DIO1: variants seen among roughly 807,000 people sequenced by gnomAD.
DIO1 encodes the protein type I iodothyronine deiodinase.
DIO1 carries 17 observed loss-of-function variants against 25.9 expected under a neutral mutation model. The observed-to-expected ratio is 0.66, with a 90% CI of 0.45 to 0.98. DIO1 has a LOEUF of 0.98. Among genes scored for constraint, DIO1 ranks in the 50% least tolerant of loss-of-function variants. The pLI is 0.00. For missense variants in DIO1, 270 were observed against 310.4 expected, an observed-to-expected ratio of 0.87 and a Z score of 0.98; for synonymous variants, 115 against 114.0, an observed-to-expected ratio of 1.01 and a Z score of -0.05.
At chr1:53,903,596 C>T (rs921512986) in intron 1 of DIO1, among the ~76,000 whole-genome samples, 10 of 151,896 alleles carry the variant, frequency 6.6e-5, no homozygotes, top group East Asian at 3.9e-4. Context: ...GGCCTGTAAT[C>T]GCAGCACTTT....
chr1:53,905,328 C>T (rs989163680), intron 2 of DIO1, among the ~76,000 whole-genome samples: 1 of 152,058 alleles, frequency 6.6e-6, no homozygotes, highest in Non-Finnish European at 1.5e-5. Flanking sequence ...CATACGCCAC[C>T]ATGCCCAGCT....
At position 53,910,314 on chromosome 1, in the gene DIO1, CG is replaced by C. The variant is rs767061216; in HGVS notation, c.*317del. On this transcript the variant is annotated 3_prime_UTR_variant, in exon 4 of 4. Coordinates refer to ENST00000361921, the MANE Select transcript of DIO1 (RefSeq NM_000792.7). ...CTTTGGAGACCACATTCCCTGCACA[CG>C]GTCTTTGAGAGAGCAGTTGCACTCT... 2 of 356,198 alleles carry C rather than the reference CG, an allele frequency of 5.6e-6. No individual in the cohort carries two copies. The highest frequency in any genetic ancestry group is 1.1e-5 in the Non-Finnish European group (2 of 186,930). 22.1% of individuals were successfully genotyped at this position (356,198 alleles called of 1,614,324 possible). A position where few individuals can be genotyped will look rare whatever the true frequency, so the allele number is the denominator to read the frequency against.
chr1:53,894,600 G>A lies in DIO1; in HGVS notation c.337+53G>A. The A allele has an allele frequency of 6.6e-7, 1 of 1,506,376 alleles. No individual in the cohort carries two copies. The highest frequency in any genetic ancestry group is 9.0e-7 in the Non-Finnish European group (1 of 1,112,664). 93.3% of individuals were successfully genotyped at this position (1,506,376 alleles called of 1,614,324 possible). A position where few individuals can be genotyped will look rare whatever the true frequency, so the allele number is the denominator to read the frequency against. ...GTGCTTGAAATAGCAGTGGTAGAGG[G>A]GGATGAAGAGATGGGTTGGAAAGTC... On this transcript the variant is annotated intron_variant, in intron 1 of 3. Coordinates refer to ENST00000361921, the MANE Select transcript of DIO1 (RefSeq NM_000792.7). The surrounding 1 kb of genome is among the most constrained non-coding windows in gnomAD (Gnocchi z 4.9).
chr1:53,894,838 C>G lies in DIO1; in HGVS notation c.337+291C>G, dbSNP rs897241433. 5.9e-5 allele frequency among the ~76,000 whole-genome samples: 9 copies of G among 152,208 alleles called. No homozygotes were observed. The highest frequency in any genetic ancestry group is 4.6e-4 in the Admixed American group (7 of 15,274). On this transcript the variant is annotated intron_variant, in intron 1 of 3. Coordinates refer to ENST00000361921, the MANE Select transcript of DIO1 (RefSeq NM_000792.7). This position sits in a 1 kb window ranked among gnomAD's most constrained non-coding sequence, Gnocchi z 4.9. ...TGCCTGGGCTGCTCTTTGCCCACCT[C>G]TCTGCCTGGTTAACTCTTGTTCAAT...
intron 1 of DIO1, among the ~76,000 whole-genome samples, chr1:53,901,039 A>G (rs2100767633): frequency 8.5e-6 from 1 of 117,508 alleles, no homozygotes. Flanking sequence ...TGTGTTGCCC[A>G]GGGTGGTCTT....
chr1:53,909,133 T>C (rs956421332), intron 3 of DIO1, among the ~76,000 whole-genome samples: 4 of 147,022 alleles, frequency 2.7e-5, no homozygotes, highest in Admixed American at 6.8e-5. Context: ...ACTGGTTCCA[T>C]GGCCGGGCGT....
In DIO1 at chr1:53,894,207, C is replaced by A; in HGVS notation, c.-4C>A. ...AACTCAGAGCTTACTCTGGCTTTGC[C>A]GAGATGGGGCTGCCCCAGCCAGGGC... On this transcript the variant is annotated 5_prime_UTR_variant, in exon 1 of 4. Coordinates refer to ENST00000361921, the MANE Select transcript of DIO1 (RefSeq NM_000792.7). The surrounding 1 kb of genome is among the most constrained non-coding windows in gnomAD (Gnocchi z 4.9). 1 of 1,609,304 alleles carries A rather than the reference C, an allele frequency of 6.2e-7. No homozygotes were observed. Among genetic ancestry groups the A allele is most frequent in the South Asian group, 1.1e-5 (1 of 90,592 alleles).
At chr1:53,895,194 G>A (rs1161340375) in intron 1 of DIO1, among the ~76,000 whole-genome samples, 2 of 152,156 alleles carry the variant, frequency 1.3e-5, no homozygotes, top group African/African-American at 4.8e-5. Flanking sequence ...GGAGATTGAG[G>A]CTGGCAGATC....
At chr1:53,905,261 A>G (rs1056056819) in intron 2 of DIO1, among the ~76,000 whole-genome samples, 1 of 150,420 alleles carries the variant, frequency 6.6e-6, no homozygotes, top group East Asian at 1.9e-4. Flanking sequence ...TGCAGCCTCA[A>G]CCTCCTGGGC....
chr1:53,905,986 C>G, intron 2 of DIO1, 109 bp from the exon 3 acceptor site: 1 of 1,014,836 alleles, frequency 9.9e-7, no homozygotes, highest in Non-Finnish European at 1.5e-6. Context: ...CAGGCCAAAT[C>G]ATTGCCAAGG....
At chr1:53,904,034 T>C (rs768644667) in intron 1 of DIO1, among the ~76,000 whole-genome samples, 2 of 149,354 alleles carry the variant, frequency 1.3e-5, no homozygotes, top group Non-Finnish European at 2.9e-5. Flanking sequence ...AGGGAGGAGA[T>C]ACAAGCTCAT....
intron 1 of DIO1, among the ~76,000 whole-genome samples, chr1:53,895,759 C>T (rs955905975): frequency 1.3e-5 from 2 of 152,192 alleles, no homozygotes; most frequent in Non-Finnish European, 2.9e-5. Context: ...CTGAGCTCCC[C>T]GCCACACTCA....
Position 53,894,363 on chromosome 1 carries a change from C to G in DIO1, c.153C>G (p.Thr51=). ...ILAMGEKTGM[T]RNPHFSHDNW... ...CCATGGGCGAGAAGACGGGTATGAC[C>G]AGGAACCCCCATTTCAGCCACGACA... is the stretch of plus-strand genomic sequence containing the variant. The change falls in exon 1 of 4, where the codon ACC becomes ACG. Residue 51 remains threonine (T), a synonymous_variant. Transcript: ENST00000361921. This position sits in a 1 kb window ranked among gnomAD's most constrained non-coding sequence, Gnocchi z 4.9. The G allele has an allele frequency of 6.2e-7, 1 of 1,614,222 alleles. No individual in the cohort carries two copies.
chr1:53,906,067 G>C (rs758344350), intron 2 of DIO1, 28 bp from the exon 3 acceptor site: 2 of 1,611,044 alleles, frequency 1.2e-6, no homozygotes, highest in Middle Eastern at 1.7e-4. Flanking sequence ...GTGTCAATGG[G>C]ACTCGGTGCC....
At chr1:53,908,019 C>T (rs767890963) in intron 3 of DIO1, among the ~76,000 whole-genome samples, 2 of 148,354 alleles carry the variant, frequency 1.3e-5, no homozygotes, top group Admixed American at 6.7e-5. Context: ...GTCATGAATT[C>T]GAGACCAGCC....
intron 2 of DIO1, among the ~76,000 whole-genome samples, chr1:53,905,165 A>ATTTTTTT (rs1194459720): frequency 8.4e-6 from 1 of 119,024 alleles, no homozygotes; most frequent in African/African-American, 3.2e-5. Context: ...CCTTATGGCT[A>ATTTTTTT]TTTTTTTTTT....
intron 1 of DIO1, among the ~76,000 whole-genome samples, chr1:53,898,395 T>C (rs1651188262): frequency 6.6e-6 from 1 of 152,086 alleles, no homozygotes; most frequent in Non-Finnish European, 1.5e-5. Context: ...CTGAGAGTAC[T>C]GGTGAGTTCT....
In DIO1 at chr1:53,894,506, G is replaced by C. The variant is rs375985012; in HGVS notation, c.296G>C (p.Arg99Pro). The part of the protein sequence containing the change: ...GGLAPNCPVV[R>P]LSGQRCNIWE... Reference sequence around the variant, plus strand: ...CTGGCCCCAAACTGCCCGGTGGTCCGCCTCTCAGGACAGAGGTGCAACATT... The same window carrying C: ...CTGGCCCCAAACTGCCCGGTGGTCCCCCTCTCAGGACAGAGGTGCAACATT... Residue 99 changes from arginine to proline, a missense_variant, in exon 1 of 4, where the codon CGC becomes CCC. Physicochemically the swap from Arg to Pro is moderately radical, Grantham distance 103 (BLOSUM62 -2). Transcript: ENST00000361921. The surrounding 1 kb of genome is among the most constrained non-coding windows in gnomAD (Gnocchi z 4.9). 5.6e-6 allele frequency: 9 copies of C among 1,613,920 alleles called. No individual in the cohort carries two copies. Among genetic ancestry groups the C allele is most frequent in the Non-Finnish European group, 7.6e-6 (9 of 1,180,020 alleles).
chr1:53,900,288 C>T (rs183993747), intron 1 of DIO1, among the ~76,000 whole-genome samples: 1 of 152,280 alleles, frequency 6.6e-6, no homozygotes, highest in Non-Finnish European at 1.5e-5. Flanking sequence ...TCCTGTTCTA[C>T]ACCTCCCAGA....
Sources: gnomAD v4.1 joint callset for allele counts (sites outside exome capture counted in the v4.1 genomes callset) on GRCh38, gnomAD v4.1.1 for gene constraint, Gnocchi (gnomAD v3.1) non-coding constraint, MANE v1.5 for transcripts, NCBI Gene and HGNC (gene_info 2026-07-23, HGNC 2026-07-21) for gene names.